GHR: variants seen among roughly 807,000 people sequenced by gnomAD.
GHR encodes the protein growth hormone receptor, also known as GH receptor.
In GHR, 35 loss-of-function variants were observed where a neutral mutation model predicts 67.1. The ratio of observed to expected loss-of-function variants is 0.52; its 90% CI spans 0.40 to 0.69. The LOEUF (loss-of-function observed/expected upper bound fraction) is 0.69, where lower values mean the gene tolerates loss of function less well. Among genes scored for constraint, GHR ranks in the 30% least tolerant of loss-of-function variants. GHR has a pLI of 0.00. For synonymous variants in GHR, 272 were observed against 269.1 expected, an observed-to-expected ratio of 1.01 and a Z score of -0.10; for missense variants, 792 against 764.6, an observed-to-expected ratio of 1.04 and a Z score of -0.42.
chr5:42,668,612 A>G (rs1460357829), intron 3 of GHR, among the ~76,000 whole-genome samples: 2 of 152,218 alleles, frequency 1.3e-5, no homozygotes, highest in South Asian at 2.1e-4. Flanking sequence ...AAACATGCAC[A>G]TAAGAGAATG....
In GHR at chr5:42,452,249, A is replaced by G. The variant is rs540981785; in HGVS notation, c.-12+28294A>G. Among the ~76,000 whole-genome samples the G allele has an allele frequency of 1.3e-3, 197 of 152,322 alleles. 1 individual carries two copies. The Middle Eastern group carries it at 0.017, about 13-fold the overall frequency. On this transcript the variant is annotated intron_variant, in intron 1 of 9. Coordinates refer to ENST00000230882, the MANE Select transcript of GHR (RefSeq NM_000163.5). ...GGACCCTGCTCCCTTCTGATTGGCA[A>G]GGTTTCTCTTGAGAAGTCTGCTGTT...
At chr5:42,516,881 T>C (rs1202534251) in intron 1 of GHR, among the ~76,000 whole-genome samples, 1 of 152,172 alleles carries the variant, frequency 6.6e-6, no homozygotes, top group East Asian at 1.9e-4. Context: ...GGACAGCTGG[T>C]TGGGGTAAAC....
intron 1 of GHR, among the ~76,000 whole-genome samples, chr5:42,480,181 A>G (rs1252845401): frequency 3.3e-5 from 5 of 152,256 alleles, no homozygotes; most frequent in Non-Finnish European, 7.4e-5. Context: ...TTCAGTTTCC[A>G]TGTAGTAGAG....
chr5:42,695,450 C>G (rs910507529), intron 5 of GHR, among the ~76,000 whole-genome samples: 7 of 152,128 alleles, frequency 4.6e-5, no homozygotes, highest in African/African-American at 9.7e-5. Context: ...TGATAGGATC[C>G]TTATATTCAA....
At chr5:42,609,874 G>T (rs947886004) in intron 2 of GHR, among the ~76,000 whole-genome samples, 2 of 152,136 alleles carry the variant, frequency 1.3e-5, no homozygotes, top group Non-Finnish European at 2.9e-5. Flanking sequence ...ATATTCAAGA[G>T]GGTGAAATAA....
chr5:42,698,995 T>C (rs1461263408), intron 5 of GHR, among the ~76,000 whole-genome samples: 1 of 152,206 alleles, frequency 6.6e-6, no homozygotes, highest in Non-Finnish European at 1.5e-5. Flanking sequence ...CTGTAGAGTA[T>C]ATCAATAGAA....
At chr5:42,448,374 T>C (rs1197538998) in intron 1 of GHR, among the ~76,000 whole-genome samples, 1 of 152,226 alleles carries the variant, frequency 6.6e-6, no homozygotes, top group African/African-American at 2.4e-5. Context: ...TCCATGTTTG[T>C]TGGGCATTCG....
intron 1 of GHR, among the ~76,000 whole-genome samples, chr5:42,441,197 T>C (rs1191204293): frequency 2.0e-5 from 3 of 151,262 alleles, no homozygotes; most frequent in Non-Finnish European, 4.4e-5. Context: ...TTGACAAGAG[T>C]GGGAATTGTG....
intron 1 of GHR, among the ~76,000 whole-genome samples, chr5:42,486,281 C>T (rs903933132): frequency 2.6e-5 from 4 of 152,212 alleles, no homozygotes; most frequent in Admixed American, 1.3e-4. Flanking sequence ...CCTCTCACCA[C>T]GAGCTTTTAT....
intron 1 of GHR, among the ~76,000 whole-genome samples, chr5:42,515,384 A>G (rs1038106985): frequency 1.3e-5 from 2 of 152,146 alleles, no homozygotes; most frequent in South Asian, 4.1e-4. Context: ...AACACAGTCA[A>G]TTTACCAATG....
At chr5:42,474,285 A>AAGAAAGAAAGAGAG (rs1257674662) in intron 1 of GHR, among the ~76,000 whole-genome samples, 2 of 28,102 alleles carry the variant, frequency 7.1e-5, no homozygotes, top group African/African-American at 2.5e-4. Flanking sequence ...GAAAGAAAGA[A>AAGAAAGAAAGAGAG]AAAGAGAAAG....
intron 3 of GHR, among the ~76,000 whole-genome samples, chr5:42,649,299 A>G (rs1366361108): frequency 1.3e-5 from 2 of 152,212 alleles, no homozygotes; most frequent in African/African-American, 2.4e-5. Context: ...TTTCATTAAC[A>G]TAAGGGAAAA....
intron 3 of GHR, among the ~76,000 whole-genome samples, chr5:42,675,439 CAAG>C (rs1756524134): frequency 6.6e-6 from 1 of 152,080 alleles, no homozygotes. Flanking sequence ...AGCTAGACAT[CAAG>C]AAGAAGAGAG....
chr5:42,672,083 A>G (rs1756343890), intron 3 of GHR, among the ~76,000 whole-genome samples: 1 of 152,186 alleles, frequency 6.6e-6, no homozygotes, highest in South Asian at 2.1e-4. Context: ...CCTTGAAGAC[A>G]AGAAAAGGAT....
chr5:42,663,271 G>A (rs963049528), intron 3 of GHR, among the ~76,000 whole-genome samples: 3 of 152,162 alleles, frequency 2.0e-5, no homozygotes, highest in African/African-American at 7.2e-5. Context: ...TGATACCAAA[G>A]CCTGGCAGAG....
chr5:42,478,819 G>T (rs570239922), intron 1 of GHR, among the ~76,000 whole-genome samples: 80 of 152,282 alleles, frequency 5.3e-4, no homozygotes, highest in African/African-American at 1.8e-3. Context: ...ATATAATCAT[G>T]TCCTCTGCAA....
At chr5:42,592,177 A>G (rs11948120) in intron 2 of GHR, among the ~76,000 whole-genome samples, 32,461 of 152,114 alleles carry the variant, frequency 0.21, 4,030 homozygotes, top group African/African-American at 0.32. Flanking sequence ...GAATCTTCAC[A>G]TGCTGCTCTT....
At chr5:42,469,463 A>C (rs2112092702) in intron 1 of GHR, among the ~76,000 whole-genome samples, 2 of 152,110 alleles carry the variant, frequency 1.3e-5, no homozygotes, top group South Asian at 4.1e-4. Context: ...CCTATCCTGG[A>C]GATGTCCTTG....
At chr5:42,471,704 A>G (rs1745019587) in intron 1 of GHR, among the ~76,000 whole-genome samples, 1 of 152,200 alleles carries the variant, frequency 6.6e-6, no homozygotes, top group Non-Finnish European at 1.5e-5. Context: ...CTGGTCTGCA[A>G]CAAGTACTAT....
Sources: gnomAD v4.1 joint callset for allele counts (sites outside exome capture counted in the v4.1 genomes callset) on GRCh38, gnomAD v4.1.1 for gene constraint, MANE v1.5 for transcripts, NCBI Gene and HGNC (gene_info 2026-07-23, HGNC 2026-07-21) for gene names.